LILRB1: variants seen among roughly 807,000 people sequenced by gnomAD.
LILRB1 encodes the protein leukocyte immunoglobulin like receptor B1.
A neutral mutation model predicts 74.6 loss-of-function variants in LILRB1; 59 were observed. The ratio of observed to expected loss-of-function variants is 0.79; its 90% confidence interval spans 0.64 to 0.98. LILRB1 has a LOEUF of 0.98. Ranked by LOEUF, LILRB1 falls within the 50% of genes least tolerant of loss-of-function variation. LILRB1 has a pLI of 0.00. For missense variants in LILRB1, 804 were observed against 822.6 expected, an observed-to-expected ratio of 0.98 and a Z score of 0.28; for synonymous variants, 328 against 333.9, an observed-to-expected ratio of 0.98 and a Z score of 0.19.
chr19:54,622,088 C>T (rs961839495), intron 1 of LILRB1, among the ~76,000 whole-genome samples: 1 of 152,106 alleles, frequency 6.6e-6, no homozygotes, highest in South Asian at 2.1e-4. Context: ...GTTACTATGG[C>T]CTTATAGTAT....
upstream of LILRB1, among the ~76,000 whole-genome samples, chr19:54,616,687 G>A (rs1052152165): frequency 1.3e-5 from 2 of 152,120 alleles, no homozygotes; most frequent in Non-Finnish European, 2.9e-5. Context: ...ATTCTAAAGG[G>A]TCTTCTCCAT....
At chr19:54,635,775 T>C in intron 13 of LILRB1, 166 bp downstream of exon 13, 1 of 855,676 alleles carries the variant, frequency 1.2e-6, no homozygotes, top group South Asian at 1.3e-5. Context: ...TCTCCTGCTG[T>C]CCTGGGACCT....
At chr19:54,634,585 C>T (rs10414552) in intron 9 of LILRB1, 56 bp from the exon 10 acceptor site, 163,851 of 1,508,684 alleles carry the variant, frequency 0.11, 12,953 homozygotes, top group African/African-American at 0.39. Context: ...CACCTGCACA[C>T]AGTAGGCGCT....
intron 12 of LILRB1, 47 bp from the exon 13 acceptor site, chr19:54,635,510 C>T (rs893884985): frequency 6.3e-7 from 1 of 1,587,104 alleles, no homozygotes; most frequent in Non-Finnish European, 8.6e-7. Flanking sequence ...ACTCAGAGGT[C>T]CCAGGGAACC....
chr19:54,628,915 A>G (rs2063673226), upstream of LILRB1, among the ~76,000 whole-genome samples: 1 of 152,214 alleles, frequency 6.6e-6, no homozygotes, highest in Non-Finnish European at 1.5e-5. Flanking sequence ...TTATAACAAA[A>G]GACTGTAACA....
At chr19:54,635,352 C>T (rs10416183) in intron 12 of LILRB1, 56 bp downstream of exon 12, 167,868 of 1,603,198 alleles carry the variant, frequency 0.1, 9,840 homozygotes, top group African/African-American at 0.18. Context: ...CCGAAGTTTC[C>T]GTAGCAATGG....
At chr19:54,617,319 T>G (rs761445762) in exon 1 of LILRB1, 6 of 152,168 alleles carry the variant, frequency 3.9e-5, no homozygotes, top group Non-Finnish European at 5.9e-5. Context: ...AAAACAAAAA[T>G]ATTATGGTCT....
chr19:54,621,022 G>A (rs1244109255), intron 1 of LILRB1, among the ~76,000 whole-genome samples: 4 of 151,818 alleles, frequency 2.6e-5, no homozygotes, highest in African/African-American at 9.7e-5. Context: ...ACAGGTGCTC[G>A]CCACCATGCC....
rs113289394 is a variant in LILRB1, at chr19:54,633,614, G to C, written c.1262-24G>C. 7.4e-3 allele frequency: 11,911 copies of C among 1,609,040 alleles called. 827 individuals carry two copies. In the African/African-American group the frequency reaches 0.14, roughly 19 times the overall value. On this transcript the variant is annotated intron_variant, in intron 7 of 14. Transcript: ENST00000324602. The stretch of plus-strand genomic sequence containing the variant: ...ACTTCAGGAAAGCCCCAGCTCCTCA[G>C]CCTCCTCTCATTCTTTTACCCAGGA...
Position 54,635,084 on chromosome 19 carries a change from C to T in LILRB1, c.1487-20C>T, listed in dbSNP as rs958004584. 1.4e-5 allele frequency: 21 copies of T among 1,500,152 alleles called. No individual in the cohort carries two copies. The highest frequency in any genetic ancestry group is 1.7e-5 in the Non-Finnish European group (19 of 1,101,610). 92.9% of individuals were successfully genotyped at this position (1,500,152 alleles called of 1,614,324 possible). A position where few individuals can be genotyped will look rare whatever the true frequency, so the allele number is the denominator to read the frequency against. ...GGCTCCAATGTTCCCAGGGCTGAGG[C>T]TCTGTCCTTCTTCCCCCAGCCCAGA... On this transcript the variant is annotated intron_variant, in intron 10 of 14. Transcript: ENST00000324602.
chr19:54,634,496 G>A, intron 9 of LILRB1, 145 bp from the exon 10 acceptor site: 2 of 1,521,716 alleles, frequency 1.3e-6, no homozygotes, highest in Non-Finnish European at 1.8e-6. Flanking sequence ...TTTTTCATCT[G>A]TACAGTGGGT....
chr19:54,627,080 C>T (rs574236836), upstream of LILRB1, among the ~76,000 whole-genome samples: 116 of 152,272 alleles, frequency 7.6e-4, no homozygotes, highest in African/African-American at 2.2e-3. Flanking sequence ...TAGGGTCCCA[C>T]GGTTTCCTCC....
chr19:54,631,627 A>AC lies in LILRB1; in HGVS notation c.198_199insC (p.Ala67ArgfsTer36). On this transcript the variant is annotated frameshift_variant, in exon 4 of 15. Transcript: ENST00000324602. LOFTEE classifies it high-confidence loss of function. Reference sequence around the variant, plus strand: ...ACCGTCTATATAGAGAAAAGAAAACAGCACCCTGGATTACACGGATCCCAC... The same window carrying AC: ...ACCGTCTATATAGAGAAAAGAAAACACGCACCCTGGATTACACGGATCCCAC... 1 of 1,614,046 alleles carries AC rather than the reference A, an allele frequency of 6.2e-7. No individual in the cohort carries two copies. Among genetic ancestry groups the AC allele is most frequent in the East Asian group, 2.2e-5 (1 of 44,890 alleles).
Position 54,632,890 on chromosome 19 carries a change from T to C in LILRB1, c.959-126T>C, listed in dbSNP as rs551205360. 2.1e-5 allele frequency: 19 copies of C among 898,814 alleles called. No individual in the cohort carries two copies. The South Asian group carries it at 2.3e-4, about 11-fold the overall frequency. 55.7% of individuals were successfully genotyped at this position (898,814 alleles called of 1,614,324 possible). On this transcript the variant is annotated intron_variant, in intron 6 of 14. Transcript: ENST00000324602. ...GGGAGAGACAGACAGAGACAGGGGATGGGCGGGGAGGGGGAGACTCAGAGA... is the reference window on the plus strand; with the variant it reads ...GGGAGAGACAGACAGAGACAGGGGACGGGCGGGGAGGGGGAGACTCAGAGA...
Position 54,631,991 on chromosome 19 carries a change from G to T in LILRB1, c.415G>T (p.Gly139Trp), listed in dbSNP as rs1394392929. ...AQPSPVVNSG[G>W]NVTLQCDSQV... Reference sequence around the variant, plus strand: ...GCCCAGCCCCGTGGTGAACTCAGGAGGGAATGTAACCCTCCAGTGTGACTC... The same window carrying T: ...GCCCAGCCCCGTGGTGAACTCAGGATGGAATGTAACCCTCCAGTGTGACTC... Residue 139 changes from glycine to tryptophan, a missense_variant, in exon 5 of 15, where the codon GGG becomes TGG. By Grantham distance (184) the Gly-to-Trp change is radical (BLOSUM62 -2). Coordinates refer to ENST00000324602, the MANE Select transcript of LILRB1 (RefSeq NM_001081637.3). The T allele has an allele frequency of 2.5e-6, 4 of 1,613,958 alleles. No individual in the cohort carries two copies. Among genetic ancestry groups the T allele is most frequent in the Non-Finnish European group, 3.4e-6 (4 of 1,179,938 alleles).
intron 1 of LILRB1, among the ~76,000 whole-genome samples, chr19:54,619,352 G>A (rs993530309): frequency 7.2e-5 from 11 of 152,078 alleles, no homozygotes; most frequent in Non-Finnish European, 1.2e-4. Context: ...AAGAAAGGTA[G>A]TGTAATGTAG....
upstream of LILRB1, among the ~76,000 whole-genome samples, chr19:54,626,798 G>C (rs1012745394): frequency 2.6e-5 from 4 of 152,334 alleles, no homozygotes; most frequent in South Asian, 2.1e-4. Flanking sequence ...ACTCAGGAAG[G>C]AAAGCTGATG....
In LILRB1 at chr19:54,636,881, C is replaced by T. The variant is rs554496261; in HGVS notation, c.*3C>T. On this transcript the variant is annotated 3_prime_UTR_variant, in exon 15 of 15. Transcript: ENST00000324602. ...ACGCCACTCTGGCCATCCACTAGCC[C>T]AGGGGGGGACGCAGACCCCACACTC... The T allele has an allele frequency of 1.1e-5, 18 of 1,612,088 alleles. No individual in the cohort carries two copies. In the South Asian group the frequency reaches 1.9e-4, roughly 17 times the overall value.
At chr19:54,635,485 G>T (rs1313014664) in intron 12 of LILRB1, 72 bp from the exon 13 acceptor site, 1 of 1,564,700 alleles carries the variant, frequency 6.4e-7, no homozygotes, top group Non-Finnish European at 8.7e-7. Flanking sequence ...TGGGAGCTGA[G>T]CAGGGGCTGG....
Sources: gnomAD v4.1 joint callset for allele counts (sites outside exome capture counted in the v4.1 genomes callset) on GRCh38, gnomAD v4.1.1 for gene constraint, MANE v1.5 for transcripts, NCBI Gene and HGNC (gene_info 2026-07-23, HGNC 2026-07-21) for gene names.